CSMD2: variants seen among roughly 807,000 people sequenced by gnomAD.
The protein encoded by CSMD2 is CUB and Sushi multiple domains 2, also known as CUB and sushi domain-containing protein 2.
CSMD2 carries 130 observed loss-of-function variants against 398.5 expected under a neutral mutation model. The observed-to-expected ratio is 0.33, with a 90% CI of 0.28 to 0.38. The LOEUF is 0.38. CSMD2 is among the 10% of genes least tolerant of loss of function. The probability of loss-of-function intolerance (pLI) is 1.00; values close to 1 mark genes in which losing one functional copy is unlikely to be tolerated. For synonymous variants in CSMD2, 1,828 were observed against 1,908.5 expected (o/e 0.96, Z 1.10); for missense variants, 3,829 against 4,764.9 (o/e 0.80, Z 5.78).
intron 13 of CSMD2, among the ~76,000 whole-genome samples, chr1:33,751,241 A>C (rs1648199421): frequency 6.6e-6 from 1 of 151,854 alleles, no homozygotes. Context: ...ACTTTTTGAG[A>C]GAAAGGGGAC....
intron 44 of CSMD2, among the ~76,000 whole-genome samples, chr1:33,588,659 A>G (rs532736985): frequency 3.0e-4 from 45 of 152,366 alleles, no homozygotes; most frequent in African/African-American, 1.1e-3. Context: ...TTAAAACATC[A>G]CGATCACCCA....
At chr1:33,581,634 A>AATG (rs1570813463) in intron 47 of CSMD2, among the ~76,000 whole-genome samples, 1 of 152,122 alleles carries the variant, frequency 6.6e-6, no homozygotes, top group East Asian at 1.9e-4. Context: ...GCTAGAGGAA[A>AATG]ATGTCATGTC....
At chr1:33,907,088 G>T (rs1643133936) in intron 5 of CSMD2, among the ~76,000 whole-genome samples, 2 of 151,818 alleles carry the variant, frequency 1.3e-5, no homozygotes, top group African/African-American at 4.8e-5. Context: ...AATGGGGTAG[G>T]GGTGGGGTTG....
intron 13 of CSMD2, among the ~76,000 whole-genome samples, chr1:33,766,682 C>T (rs76744052): frequency 0.018 from 2,801 of 152,280 alleles, 36 homozygotes; most frequent in South Asian, 0.028. Flanking sequence ...CAACTTACAG[C>T]TATTAAATTA....
chr1:34,134,751 T>C (rs946881532), intron 1 of CSMD2, among the ~76,000 whole-genome samples: 7 of 152,140 alleles, frequency 4.6e-5, no homozygotes, highest in African/African-American at 1.4e-4. Context: ...AACAATGCCA[T>C]AGAAAACAAG....
chr1:33,523,020 T>A (rs1654454132), intron 67 of CSMD2, among the ~76,000 whole-genome samples: 2 of 152,206 alleles, frequency 1.3e-5, no homozygotes, highest in African/African-American at 4.8e-5. Flanking sequence ...CTGAATTCCC[T>A]CTGCCCCCAA....
chr1:34,136,413 G>C (rs751932385), intron 1 of CSMD2, among the ~76,000 whole-genome samples: 1 of 152,204 alleles, frequency 6.6e-6, no homozygotes, highest in Non-Finnish European at 1.5e-5. Context: ...TTACATGTGA[G>C]TGTGAACGCC....
At chr1:34,000,088 A>C (rs900892802) in intron 3 of CSMD2, among the ~76,000 whole-genome samples, 5 of 152,134 alleles carry the variant, frequency 3.3e-5, no homozygotes, top group African/African-American at 7.2e-5. Flanking sequence ...CATTAGGCAT[A>C]TTTGCCAAAT....
In CSMD2 at chr1:33,635,168, G is replaced by A; in HGVS notation, c.5086+46C>T. ...AGGAATTGCTCATTTTGGAATGAGG[G>A]TGAGGAGTCAGAAAACATATGAACA... On this transcript the variant is annotated intron_variant, in intron 31 of 70. Transcript: ENST00000373381. This position sits in a 1 kb window ranked among gnomAD's most constrained non-coding sequence, Gnocchi z 5.0. 1 of 1,186,770 alleles carries A rather than the reference G, an allele frequency of 8.4e-7. No homozygotes were observed. The highest frequency in any genetic ancestry group is 1.3e-6 in the Non-Finnish European group (1 of 799,660). 73.5% of individuals were successfully genotyped at this position (1,186,770 alleles called of 1,614,324 possible). A position where few individuals can be genotyped will look rare whatever the true frequency, so the allele number is the denominator to read the frequency against.
intron 5 of CSMD2, among the ~76,000 whole-genome samples, chr1:33,857,864 T>C (rs1445985002): frequency 1.3e-5 from 2 of 152,176 alleles, no homozygotes; most frequent in Admixed American, 1.3e-4. Flanking sequence ...GTAGGTGGAC[T>C]GAATAATCAG....
chr1:33,723,204 T>G (rs1318416019), intron 19 of CSMD2, among the ~76,000 whole-genome samples: 1 of 152,270 alleles, frequency 6.6e-6, no homozygotes, highest in East Asian at 1.9e-4. Context: ...CCTTTAAAAT[T>G]AGTTTTTTGG....
intron 12 of CSMD2, among the ~76,000 whole-genome samples, chr1:33,780,083 G>A (rs1652521931): frequency 6.6e-6 from 1 of 152,154 alleles, no homozygotes. Flanking sequence ...GGTTCGATGA[G>A]TAATAAGTCA....
intron 3 of CSMD2, among the ~76,000 whole-genome samples, chr1:33,956,617 CCTCT>C (rs1433695233): frequency 6.6e-6 from 1 of 152,078 alleles, no homozygotes; most frequent in Non-Finnish European, 1.5e-5. Flanking sequence ...ATTCCAGAAT[CCTCT>C]CTATGTTCCA....
intron 64 of CSMD2, among the ~76,000 whole-genome samples, chr1:33,532,562 G>A (rs999760275): frequency 3.9e-5 from 6 of 152,110 alleles, no homozygotes; most frequent in African/African-American, 1.2e-4. Flanking sequence ...CTGATAACGT[G>A]TCTGTCTTCC....
chr1:33,644,851 G>A (rs1189218378), intron 29 of CSMD2, among the ~76,000 whole-genome samples: 2 of 152,140 alleles, frequency 1.3e-5, no homozygotes, highest in African/African-American at 4.8e-5. Flanking sequence ...TTTACCAAAT[G>A]GCAGGTGCCT....
At chr1:33,580,726 T>C in intron 48 of CSMD2, 27 bp downstream of exon 48, 1 of 1,613,532 alleles carries the variant, frequency 6.2e-7, no homozygotes, top group East Asian at 2.2e-5. Flanking sequence ...AGAGGGCCTG[T>C]GGCTTATTTG....
chr1:33,680,918 C>CTTTTTGTTTT (rs1644888125), intron 25 of CSMD2, among the ~76,000 whole-genome samples: 1 of 75,932 alleles, frequency 1.3e-5, no homozygotes, highest in African/African-American at 5.4e-5. Context: ...CTGTTTTATG[C>CTTTTTGTTTT]TTTTTTTTTT....
intron 1 of CSMD2, among the ~76,000 whole-genome samples, chr1:34,129,573 A>G (rs1571211604): frequency 6.6e-6 from 1 of 152,018 alleles, no homozygotes; most frequent in East Asian, 1.9e-4. Flanking sequence ...AATGGCATGA[A>G]CCCGGGAGGC....
chr1:33,698,773 C>T lies in CSMD2; in HGVS notation c.3905G>A (p.Arg1302Gln), dbSNP rs201071985. The part of the protein sequence containing the change: ...CLSGERRTWD[R>Q]PLPTCVAECG... ...CCTACCGACACAGGTGGGCAGAGGC[C>T]GGTCCCAGGTCCGGCGCTCTCCACT... Residue 1302 changes from arginine (R) to glutamine (Q), a missense_variant, in exon 24 of 71, where the codon CGG becomes CAG. Arg to Gln is a conservative substitution (Grantham distance 43, BLOSUM62 1). Transcript: ENST00000373381. 9.4e-5 allele frequency: 151 copies of T among 1,612,954 alleles called. No individual in the cohort carries two copies. Among genetic ancestry groups the T allele is most frequent in the African/African-American group, 9.3e-5 (7 of 74,898 alleles).
Sources: gnomAD v4.1 joint callset for allele counts (sites outside exome capture counted in the v4.1 genomes callset) on GRCh38, gnomAD v4.1.1 for gene constraint, Gnocchi (gnomAD v3.1) non-coding constraint, MANE v1.5 for transcripts, NCBI Gene and HGNC (gene_info 2026-07-23, HGNC 2026-07-21) for gene names.